Variants in PTPRK observed in about 807,000 individuals in gnomAD.
The protein encoded by PTPRK is receptor-type tyrosine-protein phosphatase kappa.
Under a neutral mutation model 178.0 loss-of-function variants are expected in PTPRK, and 75 were observed. That is an observed-to-expected ratio of 0.42 (90% CI 0.35 to 0.51). The LOEUF is 0.51. Ranked by LOEUF, PTPRK falls within the 20% of genes least tolerant of loss-of-function variation. The pLI is 0.02. For synonymous variants in PTPRK, 637 were observed against 620.6 expected (o/e 1.03, Z -0.39); for missense variants, 1,441 against 1,797.8 (o/e 0.80, Z 3.59).
chr6:128,440,701 A>G (rs1846172849), intron 1 of PTPRK, among the ~76,000 whole-genome samples: 1 of 152,114 alleles, frequency 6.6e-6, no homozygotes, highest in South Asian at 2.1e-4. Context: ...TTTATTTTTT[A>G]TCTTTAATAA....
chr6:128,159,147 A>T (rs552386502), intron 7 of PTPRK, among the ~76,000 whole-genome samples: 5 of 151,866 alleles, frequency 3.3e-5, no homozygotes, highest in Non-Finnish European at 4.4e-5. Context: ...AAAATTCAGT[A>T]TAAAACAACA....
intron 3 of PTPRK, among the ~76,000 whole-genome samples, chr6:128,300,696 T>A (rs1191886900): frequency 9.3e-6 from 1 of 107,840 alleles, no homozygotes; most frequent in African/African-American, 3.6e-5. Flanking sequence ...AACATCACAG[T>A]ATGGGGACTG....
At chr6:128,069,870 G>A (rs563764644) in intron 11 of PTPRK, among the ~76,000 whole-genome samples, 1 of 152,008 alleles carries the variant, frequency 6.6e-6, no homozygotes, top group Non-Finnish European at 1.5e-5. Flanking sequence ...TGCCAGTGTT[G>A]GAGAAGAGTA....
chr6:128,220,744 T>G (rs1052354921), intron 5 of PTPRK, among the ~76,000 whole-genome samples: 2 of 152,172 alleles, frequency 1.3e-5, no homozygotes, highest in South Asian at 4.1e-4. Flanking sequence ...ATGGAAAATA[T>G]CCAAATATTT....
chr6:127,998,181 T>C (rs1415732904), intron 16 of PTPRK, among the ~76,000 whole-genome samples: 1 of 152,086 alleles, frequency 6.6e-6, no homozygotes, highest in African/African-American at 2.4e-5. Flanking sequence ...TCTTTTGGCT[T>C]CTCAGTGTTG....
At chr6:127,985,669 C>G in intron 22 of PTPRK, 52 bp downstream of exon 22, 1 of 1,504,718 alleles carries the variant, frequency 6.6e-7, no homozygotes, top group South Asian at 1.3e-5. Context: ...TGTCTTGATA[C>G]TCTAAAAAAA....
intron 7 of PTPRK, among the ~76,000 whole-genome samples, chr6:128,177,636 A>G (rs1025164497): frequency 6.6e-5 from 10 of 151,830 alleles, no homozygotes; most frequent in African/African-American, 1.2e-4. Flanking sequence ...GATACCACCT[A>G]TAAGGAAATG....
chr6:128,180,085 C>T (rs1029086432), intron 7 of PTPRK, among the ~76,000 whole-genome samples: 4 of 152,126 alleles, frequency 2.6e-5, no homozygotes, highest in African/African-American at 9.6e-5. Context: ...GAGAGAGATG[C>T]TGCTAAAATG....
intron 7 of PTPRK, among the ~76,000 whole-genome samples, chr6:128,132,981 ACCT>A (rs1442767086): frequency 6.6e-6 from 1 of 152,222 alleles, no homozygotes; most frequent in Non-Finnish European, 1.5e-5. Context: ...TCATATGAAC[ACCT>A]CAACTATAAA....
At chr6:128,239,214 G>A (rs1283297151) in intron 5 of PTPRK, among the ~76,000 whole-genome samples, 1 of 147,118 alleles carries the variant, frequency 6.8e-6, no homozygotes. Flanking sequence ...TTCTGATGCA[G>A]AGAACCTAAA....
In PTPRK at chr6:128,486,621, T is replaced by C. The variant is rs529573224; in HGVS notation, c.100+33638A>G. On this transcript the variant is annotated intron_variant, in intron 1 of 29. Coordinates refer to ENST00000368226, the MANE Select transcript of PTPRK (RefSeq NM_002844.4). ...GAGTTCAAGACCAGCCTGGGCAACA[T>C]GGTGAAACCCTGTCTACAAAAAAAT... 8.0e-4 allele frequency among the ~76,000 whole-genome samples: 121 copies of C among 152,104 alleles called. 1 individual carries two copies. Among genetic ancestry groups the C allele is most frequent in the African/African-American group, 2.8e-3 (116 of 41,502 alleles).
chr6:128,514,688 T>C (rs1857687845), intron 1 of PTPRK, among the ~76,000 whole-genome samples: 1 of 152,190 alleles, frequency 6.6e-6, no homozygotes, highest in Admixed American at 6.5e-5. Flanking sequence ...CCACTTGTAA[T>C]TTTTATGGAT....
chr6:128,472,927 T>C (rs1227530742), intron 1 of PTPRK, among the ~76,000 whole-genome samples: 1 of 152,128 alleles, frequency 6.6e-6, no homozygotes, highest in East Asian at 1.9e-4. Flanking sequence ...AATTGGATAG[T>C]TGTTGCATGA....
At chr6:128,278,632 C>T (rs1309704871) in intron 3 of PTPRK, among the ~76,000 whole-genome samples, 1 of 152,152 alleles carries the variant, frequency 6.6e-6, no homozygotes, top group Non-Finnish European at 1.5e-5. Flanking sequence ...CAGAAAGATG[C>T]CATCCTGCAC....
chr6:128,380,126 G>A (rs760308397), intron 2 of PTPRK, among the ~76,000 whole-genome samples: 7 of 151,846 alleles, frequency 4.6e-5, no homozygotes, highest in Non-Finnish European at 1.0e-4. Context: ...TATAGCAAAA[G>A]GGACATAAAA....
At chr6:127,992,597 A>G in intron 19 of PTPRK, 76 bp downstream of exon 19, 2 of 1,306,808 alleles carry the variant, frequency 1.5e-6, no homozygotes, top group Admixed American at 4.7e-5. Flanking sequence ...TAAAATTTAA[A>G]AAATAATAAA....
At chr6:128,027,893 T>C (rs568161304) in intron 13 of PTPRK, 1 of 152,308 alleles carries the variant, frequency 6.6e-6, no homozygotes, top group Admixed American at 6.5e-5. Flanking sequence ...TGCCCAGCTG[T>C]ATCTTCTTTT....
intron 6 of PTPRK, among the ~76,000 whole-genome samples, chr6:128,207,079 A>C (rs2128262334): frequency 6.6e-6 from 1 of 152,272 alleles, no homozygotes; most frequent in Admixed American, 6.5e-5. Context: ...TATGCCCCAG[A>C]ACCCCAACAG....
intron 2 of PTPRK, among the ~76,000 whole-genome samples, chr6:128,331,652 T>G (rs1023845928): frequency 6.6e-6 from 1 of 152,196 alleles, no homozygotes; most frequent in African/African-American, 2.4e-5. Flanking sequence ...AGATGGATGC[T>G]TCTCTTCTAA....
Sources: allele counts gnomAD v4.1 joint callset (sites outside exome capture counted in the v4.1 genomes callset), GRCh38; gene constraint gnomAD v4.1.1; transcripts MANE v1.5; gene names NCBI Gene and HGNC (gene_info 2026-07-23, HGNC 2026-07-21).